CD36: variants seen among roughly 807,000 people sequenced by gnomAD.
CD36 encodes the protein CD36 molecule (CD36 blood group).
A neutral mutation model predicts 55.2 loss-of-function variants in CD36; 119 were observed. The observed-to-expected ratio is 2.15, with a 90% CI of 1.86 to 2.51. The LOEUF is 2.51. Ranked by LOEUF, CD36 falls within the 30% of genes most tolerant of loss-of-function variation. CD36 has a pLI of 0.00. For missense variants in CD36, 819 were observed against 555.5 expected (o/e 1.47, Z -4.77); for synonymous variants, 186 against 193.6 (o/e 0.96, Z 0.33).
At position 80,678,241 on chromosome 7, in the gene CD36, A is replaced by G. The variant is rs948880725; in HGVS notation, c.*1858A>G. 2 of 152,152 alleles carry G rather than the reference A, an allele frequency of 1.3e-5. No individual in the cohort carries two copies. Among genetic ancestry groups the G allele is most frequent in the Middle Eastern group, 3.2e-3 (1 of 316 alleles). 9.4% of individuals were successfully genotyped at this position (152,152 alleles called of 1,614,324 possible). On this transcript the variant is annotated 3_prime_UTR_variant, in exon 15 of 15. Transcript: ENST00000447544. ...TTTGGACACTTGCAATTGCTCATGG[A>G]TGAATTTATATGTTTTAGTCATAGA...
chr7:80,656,686 T>C lies in CD36; in HGVS notation c.267T>C (p.Gly89=), dbSNP rs1020182520. Residue 89 remains glycine, a synonymous_variant, in exon 4 of 15, where the codon GGT becomes GGC. Transcript: ENST00000447544. ...NSSNIQVKQR[G]PYTYRVRFLA... ...GCAACATTCAAGTTAAGCAAAGAGG[T>C]CCTTATACGTACAGGTGAGTGAGTC... 2.5e-6 allele frequency: 4 copies of C among 1,613,426 alleles called. No individual in the cohort carries two copies. In the African/African-American group the frequency reaches 4.0e-5, roughly 16 times the overall value.
chr7:80,649,043 G>A (rs3211819), intron 3 of CD36, among the ~76,000 whole-genome samples: 37 of 152,196 alleles, frequency 2.4e-4, no homozygotes, highest in African/African-American at 8.4e-4. Flanking sequence ...CACAATAGTC[G>A]TCGGTATGTT....
rs1797657060 is a variant in CD36, at chr7:80,671,303, C to A, written c.1006+139C>A. The A allele has an allele frequency of 6.5e-6, 4 of 612,108 alleles. No individual in the cohort carries two copies. The Admixed American group carries it at 9.2e-5, about 14-fold the overall frequency. The allele number at this position is 612,108 out of a possible 1,614,324, so 37.9% of individuals were successfully genotyped here. A position where few individuals can be genotyped will look rare whatever the true frequency, so the allele number is the denominator to read the frequency against. On this transcript the variant is annotated intron_variant, in intron 10 of 14. Transcript: ENST00000447544. ...GATATTCTTTAAAATGAGAACTTTA[C>A]CATAATCCTTTAGCAACCAAAATTT...
chr7:80,649,427 A>G (rs181945922), intron 3 of CD36, among the ~76,000 whole-genome samples: 4 of 152,202 alleles, frequency 2.6e-5, no homozygotes, highest in African/African-American at 4.8e-5. Flanking sequence ...CCTTTTAGAA[A>G]GATATTTGCA....
intron 8 of CD36, among the ~76,000 whole-genome samples, chr7:80,667,747 G>GTTTTT (rs1165767460): frequency 1.3e-4 from 11 of 82,632 alleles, no homozygotes; most frequent in East Asian, 8.6e-4. Flanking sequence ...GTTTTCTTTT[G>GTTTTT]TTTTTTTTTT....
At chr7:80,603,361 G>T (rs929008995) in intron 1 of CD36, among the ~76,000 whole-genome samples, 2 of 152,070 alleles carry the variant, frequency 1.3e-5, no homozygotes, top group Admixed American at 6.6e-5. Flanking sequence ...TTTGGGGAAT[G>T]GTTGGTTGGT....
At chr7:80,616,675 T>C (rs1474571540) in intron 1 of CD36, among the ~76,000 whole-genome samples, 3 of 152,164 alleles carry the variant, frequency 2.0e-5, no homozygotes, top group East Asian at 1.9e-4. Context: ...TTGGGTACTT[T>C]TTATTTTGTT....
At chr7:80,646,541 T>C in intron 2 of CD36, 111 bp from the exon 3 acceptor site, 1 of 619,886 alleles carries the variant, frequency 1.6e-6, no homozygotes. Flanking sequence ...GAAAAGCATT[T>C]GTTTATTTAG....
chr7:80,626,836 G>C (rs1793770661), intron 1 of CD36, among the ~76,000 whole-genome samples: 6 of 151,892 alleles, frequency 4.0e-5, no homozygotes, highest in Admixed American at 3.9e-4. Context: ...TGCCCTTTCT[G>C]ATTTTAGTCA....
Position 80,646,745 on chromosome 7 carries a change from G to A in CD36, c.5G>A (p.Gly2Asp). Reference protein sequence around the residue: MGCDRNCGLIAG... With the variant: MDCDRNCGLIAG... ...TTCACCTCCTGAACAAGAAAAATGG[G>A]CTGTGACCGGAACTGTGGGCTCATC... Residue 2 changes from glycine to aspartate, a missense_variant, in exon 3 of 15, where the codon GGC becomes GAC. By Grantham distance (94) the Gly-to-Asp change is moderately conservative. Coordinates refer to ENST00000447544, the MANE Select transcript of CD36 (RefSeq NM_001001548.3). 1.9e-6 allele frequency: 3 copies of A among 1,613,972 alleles called. No individual in the cohort carries two copies. The highest frequency in any genetic ancestry group is 2.5e-6 in the Non-Finnish European group (3 of 1,179,930).
chr7:80,673,940 T>C (rs561992534), intron 13 of CD36, 43 bp from the exon 14 acceptor site: 1 of 1,506,002 alleles, frequency 6.6e-7, no homozygotes, highest in Non-Finnish European at 9.2e-7. Flanking sequence ...TATTTTGTTT[T>C]ACTAACGTAC....
At chr7:80,660,428 T>C (rs1796427681) in intron 4 of CD36, among the ~76,000 whole-genome samples, 1 of 152,190 alleles carries the variant, frequency 6.6e-6, no homozygotes, top group South Asian at 2.1e-4. Flanking sequence ...GCCTTGTATT[T>C]TGATCATTCT....
chr7:80,628,261 GAATATAATGCTAAACACTACCAGCATGA>G (rs1793861303), intron 1 of CD36, among the ~76,000 whole-genome samples: 1 of 151,966 alleles, frequency 6.6e-6, no homozygotes, highest in Admixed American at 6.6e-5. Flanking sequence ...TAAAACTCTG[GAATATAATGCTAAACACTACCAGCATGA>G]TTCCTGGTAA....
upstream of CD36, among the ~76,000 whole-genome samples, chr7:80,634,668 T>C (rs941303067): frequency 6.6e-6 from 1 of 152,142 alleles, no homozygotes; most frequent in Non-Finnish European, 1.5e-5. Context: ...CTCAAATATG[T>C]TGCAATATTT....
At chr7:80,671,422 T>A (rs1797665654) in intron 10 of CD36, among the ~76,000 whole-genome samples, 2 of 152,142 alleles carry the variant, frequency 1.3e-5, no homozygotes, top group African/African-American at 4.8e-5. Context: ...CCCACTTGTG[T>A]TTCAGTATTA....
At chr7:80,670,599 C>A (rs1797570220) in intron 9 of CD36, 1 of 265,704 alleles carries the variant, frequency 3.8e-6, no homozygotes, top group Non-Finnish European at 7.2e-6. Flanking sequence ...ATATATCCAG[C>A]ATGTATATGC....
At chr7:80,659,796 A>G (rs1004956520) in intron 4 of CD36, among the ~76,000 whole-genome samples, 1 of 152,198 alleles carries the variant, frequency 6.6e-6, no homozygotes, top group Non-Finnish European at 1.5e-5. Flanking sequence ...CTAATTTAAA[A>G]TACAATTGTC....
intron 5 of CD36, among the ~76,000 whole-genome samples, chr7:80,661,840 C>T (rs1435865260): frequency 6.6e-6 from 1 of 152,068 alleles, no homozygotes; most frequent in Non-Finnish European, 1.5e-5. Flanking sequence ...TTTGGAAAGT[C>T]GAATTCGGCT....
intron 1 of CD36, among the ~76,000 whole-genome samples, chr7:80,627,803 A>G (rs911308223): frequency 7.2e-5 from 11 of 152,094 alleles, no homozygotes; most frequent in African/African-American, 2.7e-4. Flanking sequence ...CAATGGATAC[A>G]TAAACACAAC....
Sources: allele counts gnomAD v4.1 joint callset (sites outside exome capture counted in the v4.1 genomes callset), GRCh38; gene constraint gnomAD v4.1.1; transcripts MANE v1.5; gene names NCBI Gene and HGNC (gene_info 2026-07-23, HGNC 2026-07-21).